CSMD1: variants seen among roughly 807,000 people sequenced by gnomAD.
CSMD1 encodes CUB and sushi domain-containing protein 1.
CSMD1 carries 213 observed loss-of-function variants against 417.5 expected under a neutral mutation model. The observed-to-expected ratio is 0.51, with a 90% confidence interval of 0.46 to 0.57. The LOEUF (loss-of-function observed/expected upper bound fraction) is 0.57, where lower values mean the gene tolerates loss of function less well. CSMD1 is among the 20% of genes least tolerant of loss of function. The pLI is 0.00. For missense variants in CSMD1, 6,923 were observed against 4,529.7 expected, an observed-to-expected ratio of 1.53 and a Z score of -15.17; for synonymous variants, 2,862 against 1,736.8, an observed-to-expected ratio of 1.65 and a Z score of -16.11.
At chr8:3,821,853 G>A (rs1048299868) in intron 5 of CSMD1, among the ~76,000 whole-genome samples, 85 of 152,120 alleles carry the variant, frequency 5.6e-4, no homozygotes, top group African/African-American at 1.7e-3. Flanking sequence ...TCATGGCAAG[G>A]AATATGGGAA....
At chr8:3,098,952 T>G (rs984031570) in intron 46 of CSMD1, among the ~76,000 whole-genome samples, 2 of 151,898 alleles carry the variant, frequency 1.3e-5, no homozygotes, top group Non-Finnish European at 2.9e-5. Context: ...TAGGGATGAT[T>G]ACACCACATG....
intron 1 of CSMD1, among the ~76,000 whole-genome samples, chr8:4,805,227 T>C (rs2117304046): frequency 6.6e-6 from 1 of 152,342 alleles, no homozygotes; most frequent in South Asian, 2.1e-4. Flanking sequence ...AAATTATATT[T>C]CAAGAATATA....
chr8:3,610,088 T>G (rs1690697012), intron 8 of CSMD1, among the ~76,000 whole-genome samples: 1 of 152,062 alleles, frequency 6.6e-6, no homozygotes, highest in African/African-American at 2.4e-5. Flanking sequence ...TTTTAAAACA[T>G]CAACATTTGT....
intron 3 of CSMD1, among the ~76,000 whole-genome samples, chr8:4,366,003 T>G (rs1356233031): frequency 1.3e-5 from 2 of 152,150 alleles, no homozygotes; most frequent in Admixed American, 6.5e-5. Flanking sequence ...TGTTGAGGCT[T>G]GATTTAGGAA....
intron 8 of CSMD1, among the ~76,000 whole-genome samples, chr8:3,606,149 T>G (rs1329266380): frequency 6.6e-6 from 1 of 152,224 alleles, no homozygotes; most frequent in African/African-American, 2.4e-5. Context: ...CCCCTCGTTC[T>G]GCAGAGAGAA....
At position 4,642,128 on chromosome 8, in the gene CSMD1, G is replaced by C. The variant is rs184836524; in HGVS notation, c.86-4570C>G. 8.5e-5 allele frequency among the ~76,000 whole-genome samples: 13 copies of C among 152,314 alleles called. No homozygotes were observed. The East Asian group carries it at 1.7e-3, about 20-fold the overall frequency. On this transcript the variant is annotated intron_variant, in intron 1 of 69. Transcript: ENST00000635120. ...TACTCTCTATCCTGTGAAGGTCCAG[G>C]TCTGCAAGATGGGCAAGTGCTCGGC...
intron 3 of CSMD1, among the ~76,000 whole-genome samples, chr8:4,268,845 G>A (rs933912095): frequency 6.6e-6 from 1 of 152,032 alleles, no homozygotes; most frequent in East Asian, 1.9e-4. Context: ...ATATGGGAGA[G>A]ATTTTCATAA....
chr8:3,096,466 TTC>T lies in CSMD1; in HGVS notation c.7138+381_7138+382del, dbSNP rs1176404872. The stretch of plus-strand genomic sequence containing the variant: ...TCTCTCATGTGCGTGCACCCACTCT[TTC>T]TCTCTCTCTGTCTCTCATGCCTGCC... On this transcript the variant is annotated intron_variant, in intron 47 of 69. Transcript: ENST00000635120. 8.5e-5 allele frequency among the ~76,000 whole-genome samples: 13 copies of T among 152,178 alleles called. No homozygotes were observed. In the South Asian group the frequency reaches 1.7e-3, roughly 19 times the overall value.
intron 3 of CSMD1, among the ~76,000 whole-genome samples, chr8:4,057,347 G>C (rs897491474): frequency 3.3e-5 from 5 of 152,084 alleles, no homozygotes; most frequent in African/African-American, 1.2e-4. Flanking sequence ...AGAAGTGTCT[G>C]TTCATGTCCT....
At chr8:3,734,548 T>C (rs1422456612) in intron 6 of CSMD1, among the ~76,000 whole-genome samples, 2 of 152,062 alleles carry the variant, frequency 1.3e-5, no homozygotes, top group Admixed American at 6.6e-5. Context: ...CTGTCTCTAC[T>C]AAAAATACCC....
intron 3 of CSMD1, among the ~76,000 whole-genome samples, chr8:4,409,110 G>A (rs1157240603): frequency 3.3e-5 from 5 of 152,062 alleles, no homozygotes; most frequent in South Asian, 4.1e-4. Flanking sequence ...TTTAGCATCT[G>A]CATATGGCTA....
intron 1 of CSMD1, among the ~76,000 whole-genome samples, chr8:4,688,011 G>C (rs942145596): frequency 6.6e-6 from 1 of 152,088 alleles, no homozygotes; most frequent in Non-Finnish European, 1.5e-5. Context: ...TGTATTTCAA[G>C]TACCTACACT....
intron 46 of CSMD1, among the ~76,000 whole-genome samples, chr8:3,099,788 T>C (rs557531319): frequency 1.3e-5 from 2 of 152,302 alleles, no homozygotes; most frequent in East Asian, 1.9e-4. Context: ...ATTTTGTTTC[T>C]TAGGAAAGAC....
At chr8:3,260,321 G>C (rs73187507) in intron 26 of CSMD1, among the ~76,000 whole-genome samples, 13,982 of 152,098 alleles carry the variant, frequency 0.092, 716 homozygotes, top group Admixed American at 0.14. Context: ...GGCTTTGGGT[G>C]TTGCAGGATC....
chr8:4,783,059 C>G (rs1344372267), intron 1 of CSMD1, among the ~76,000 whole-genome samples: 1 of 152,018 alleles, frequency 6.6e-6, no homozygotes, highest in Non-Finnish European at 1.5e-5. Context: ...TGACCTCTTT[C>G]ATAAACTTCA....
chr8:4,706,887 G>A (rs1807980543), intron 1 of CSMD1, among the ~76,000 whole-genome samples: 1 of 152,200 alleles, frequency 6.6e-6, no homozygotes, highest in Admixed American at 6.5e-5. Flanking sequence ...TCAGTGAAAT[G>A]AGAAAGGCAA....
chr8:3,327,286 G>A (rs1806595481), intron 23 of CSMD1, among the ~76,000 whole-genome samples: 1 of 152,110 alleles, frequency 6.6e-6, no homozygotes, highest in Non-Finnish European at 1.5e-5. Context: ...GGGACTACAG[G>A]CACCCACCAC....
chr8:4,340,940 A>T (rs763063307), intron 3 of CSMD1, among the ~76,000 whole-genome samples: 8 of 152,046 alleles, frequency 5.3e-5, no homozygotes, highest in Non-Finnish European at 1.0e-4. Flanking sequence ...GGCCTGAGAG[A>T]ATGTAGTCTG....
At chr8:4,016,319 T>G (rs896931687) in intron 4 of CSMD1, among the ~76,000 whole-genome samples, 1 of 152,032 alleles carries the variant, frequency 6.6e-6, no homozygotes, top group African/African-American at 2.4e-5. Context: ...GGGGAATAAT[T>G]AACTACTGAC....
Sources: allele counts gnomAD v4.1 joint callset (sites outside exome capture counted in the v4.1 genomes callset), GRCh38; gene constraint gnomAD v4.1.1; transcripts MANE v1.5; gene names NCBI Gene and HGNC (gene_info 2026-07-23, HGNC 2026-07-21).